The following ZBTB43 variants were observed in gnomAD, a reference collection of about 807,000 sequenced individuals.
ZBTB43 encodes the protein zinc finger and BTB domain containing 43.
Under a neutral mutation model 31.1 loss-of-function variants are expected in ZBTB43, and 6 were observed. The observed-to-expected ratio is 0.19, with a 90% CI of 0.11 to 0.38. The LOEUF (loss-of-function observed/expected upper bound fraction) is 0.38, where lower values mean the gene tolerates loss of function less well. Among genes scored for constraint, ZBTB43 ranks in the 10% least tolerant of loss-of-function variants. The pLI is 1.00. For synonymous variants in ZBTB43, 212 were observed against 221.7 expected, an observed-to-expected ratio of 0.96 and a Z score of 0.39; for missense variants, 379 against 602.1, an observed-to-expected ratio of 0.63 and a Z score of 3.88.
chr9:126,813,286 T>C (rs545048971), intron 2 of ZBTB43, among the ~76,000 whole-genome samples: 1 of 152,264 alleles, frequency 6.6e-6, no homozygotes, highest in Admixed American at 6.5e-5. Flanking sequence ...GGCCCCACTG[T>C]TACTTTTATT....
intron 2 of ZBTB43, among the ~76,000 whole-genome samples, chr9:126,829,979 A>G (rs1247602515): frequency 6.6e-6 from 1 of 152,248 alleles, no homozygotes; most frequent in Non-Finnish European, 1.5e-5. Context: ...ATAAATTAAT[A>G]CTTCACTCTA....
intron 2 of ZBTB43, among the ~76,000 whole-genome samples, chr9:126,826,899 G>C (rs2032653725): frequency 6.6e-6 from 1 of 152,180 alleles, no homozygotes; most frequent in Non-Finnish European, 1.5e-5. Context: ...TGTGATTCTA[G>C]TGTTGGTGTT....
rs1485796592 is a variant in ZBTB43 at position 126,835,920 on chromosome 9, T to C, written c.*2007T>C. 6.0e-6 allele frequency: 1 copy of C among 167,014 alleles called. No homozygotes were observed. The highest frequency in any genetic ancestry group is 1.5e-5 in the Non-Finnish European group (1 of 68,122). The allele number at this position is 167,014 out of a possible 1,614,324, so 10.3% of individuals were successfully genotyped here. ...CACTCATGGTAGAGGCCAGTGGGTT[T>C]TAGGTATGATCCTAGCCATTATATT... On this transcript the variant is annotated 3_prime_UTR_variant, in exon 3 of 3. Transcript: ENST00000373464.
intron 2 of ZBTB43, among the ~76,000 whole-genome samples, chr9:126,817,933 A>C (rs1168275556): frequency 6.6e-6 from 1 of 152,062 alleles, no homozygotes; most frequent in Non-Finnish European, 1.5e-5. Flanking sequence ...GAATATGGAG[A>C]AATGCCATAT....
intron 2 of ZBTB43, among the ~76,000 whole-genome samples, chr9:126,809,842 C>CT (rs565506794): frequency 2.2e-4 from 33 of 147,092 alleles, no homozygotes; most frequent in East Asian, 7.8e-4. Context: ...CTGCTGGTAT[C>CT]TTTTTTTTTT....
intron 2 of ZBTB43, among the ~76,000 whole-genome samples, chr9:126,816,301 A>G (rs946878411): frequency 3.9e-5 from 6 of 152,090 alleles, no homozygotes; most frequent in Middle Eastern, 3.4e-3. Flanking sequence ...TACTGTTGTA[A>G]TTCTGCTTCT....
At position 126,834,428 on chromosome 9, in the gene ZBTB43, T is replaced by C. The variant is rs879425023; in HGVS notation, c.*515T>C. 2 of 167,570 alleles carry C rather than the reference T, an allele frequency of 1.2e-5. No homozygotes were observed. Among genetic ancestry groups the C allele is most frequent in the Non-Finnish European group, 2.9e-5 (2 of 68,506 alleles). The allele number at this position is 167,570 out of a possible 1,614,324, so 10.4% of individuals were successfully genotyped here. A position where few individuals can be genotyped will look rare whatever the true frequency, so the allele number is the denominator to read the frequency against. ...TGAGAAATTGGTTAACAGAGCTCTG[T>C]TGTCTGGTTTTAGTCTTTCTAAAGG... On this transcript the variant is annotated 3_prime_UTR_variant, in exon 3 of 3. Coordinates refer to ENST00000373464, the MANE Select transcript of ZBTB43 (RefSeq NM_014007.4).
chr9:126,818,742 T>A (rs1050708914), intron 2 of ZBTB43, among the ~76,000 whole-genome samples: 5 of 152,262 alleles, frequency 3.3e-5, no homozygotes, highest in Non-Finnish European at 7.3e-5. Flanking sequence ...ATAATTCTTT[T>A]AATATGCCGC....
rs7862367 is a variant in ZBTB43 at position 126,835,908 on chromosome 9, G to A, written c.*1995G>A. ...CTCCTTTTCTTTCACTCATGGTAGA[G>A]GCCAGTGGGTTTTAGGTATGATCCT... On this transcript the variant is annotated 3_prime_UTR_variant, in exon 3 of 3. Coordinates refer to ENST00000373464, the MANE Select transcript of ZBTB43 (RefSeq NM_014007.4). The A allele has an allele frequency of 6.6e-3, 1,100 of 167,046 alleles. 16 individuals carry two copies. Among genetic ancestry groups the A allele is most frequent in the African/African-American group, 0.025 (1,030 of 41,510 alleles). 10.3% of individuals were successfully genotyped at this position (167,046 alleles called of 1,614,324 possible). A position where few individuals can be genotyped will look rare whatever the true frequency, so the allele number is the denominator to read the frequency against.
chr9:126,822,944 A>G (rs1484762604), intron 2 of ZBTB43, among the ~76,000 whole-genome samples: 1 of 151,756 alleles, frequency 6.6e-6, no homozygotes, highest in African/African-American at 2.4e-5. Context: ...TTTTTTAGAC[A>G]TAATGCTATT....
intron 1 of ZBTB43, among the ~76,000 whole-genome samples, chr9:126,807,561 G>A (rs146081521): frequency 2.0e-5 from 3 of 152,246 alleles, no homozygotes; most frequent in Admixed American, 6.5e-5. Flanking sequence ...ATTTTAAAAT[G>A]TGAAAAAATG....
Position 126,834,463 on chromosome 9 carries a change from CTA to C in ZBTB43, c.*551_*552del, listed in dbSNP as rs965658296. ...TTAGTCTTTCTAAAGGATATTTTAA[CTA>C]AAACTATGGAGATGCTAAGAGAGTG... On this transcript the variant is annotated 3_prime_UTR_variant, in exon 3 of 3. Coordinates refer to ENST00000373464, the MANE Select transcript of ZBTB43 (RefSeq NM_014007.4). 26 of 167,318 alleles carry C rather than the reference CTA, an allele frequency of 1.6e-4. 1 individual carries two copies. Among genetic ancestry groups the C allele is most frequent in the African/African-American group, 6.3e-4 (26 of 41,542 alleles). The allele number at this position is 167,318 out of a possible 1,614,324, so 10.4% of individuals were successfully genotyped here. A position where few individuals can be genotyped will look rare whatever the true frequency, so the allele number is the denominator to read the frequency against.
intron 1 of ZBTB43, among the ~76,000 whole-genome samples, chr9:126,805,647 C>T (rs1008341688): frequency 1.3e-5 from 2 of 152,238 alleles, no homozygotes; most frequent in Non-Finnish European, 2.9e-5. Flanking sequence ...AGCTAGGTCG[C>T]TGTCAACCTG....
rs373630242 is a variant in ZBTB43, at chr9:126,834,018, T to TAA, written c.*115_*116dup. On this transcript the variant is annotated 3_prime_UTR_variant, in exon 3 of 3. Coordinates refer to ENST00000373464, the MANE Select transcript of ZBTB43 (RefSeq NM_014007.4). ...GCTACTTGCTATTATGAGAGAAGCT[T>TAA]AAAAAAAAAAAGGAAGATATTTCTG... is the stretch of plus-strand genomic sequence containing the variant. 60 of 990,336 alleles carry TAA rather than the reference T, an allele frequency of 6.1e-5. No individual in the cohort carries two copies. The highest frequency in any genetic ancestry group is 7.1e-5 in the Non-Finnish European group (52 of 734,036). The allele number at this position is 990,336 out of a possible 1,614,324, so 61.3% of individuals were successfully genotyped here.
chr9:126,837,570 C>T lies in ZBTB43; in HGVS notation c.*3657C>T. ...GGTGGGCGTGGAGAGGGCGCCATCACAACGAGTCCAGGTTTTTGCTTTTGG... is the reference window on the plus strand; with the variant it reads ...GGTGGGCGTGGAGAGGGCGCCATCATAACGAGTCCAGGTTTTTGCTTTTGG... On this transcript the variant is annotated 3_prime_UTR_variant, in exon 3 of 3. Transcript: ENST00000373464. The T allele has an allele frequency of 6.0e-6, 1 of 167,248 alleles. No individual in the cohort carries two copies. The allele number at this position is 167,248 out of a possible 1,614,324, so 10.4% of individuals were successfully genotyped here.
chr9:126,825,603 G>A (rs773223038), intron 2 of ZBTB43, among the ~76,000 whole-genome samples: 21 of 152,188 alleles, frequency 1.4e-4, no homozygotes, highest in African/African-American at 4.8e-4. Flanking sequence ...GTGTCTCTGT[G>A]TGTGTCCAAA....
chr9:126,806,471 C>T (rs2032129738), intron 1 of ZBTB43, among the ~76,000 whole-genome samples: 1 of 152,110 alleles, frequency 6.6e-6, no homozygotes, highest in Non-Finnish European at 1.5e-5. Context: ...GAATAGTTTA[C>T]CAGGGGCTGG....
At chr9:126,815,481 A>G (rs1037696854) in intron 2 of ZBTB43, among the ~76,000 whole-genome samples, 6 of 150,670 alleles carry the variant, frequency 4.0e-5, no homozygotes, top group African/African-American at 1.5e-4. Flanking sequence ...CTGATACTCT[A>G]TTCCCTTTTT....
chr9:126,814,300 T>G (rs2032316790), intron 2 of ZBTB43, among the ~76,000 whole-genome samples: 2 of 151,764 alleles, frequency 1.3e-5, no homozygotes, highest in African/African-American at 2.4e-5. Context: ...TGTAAAATTT[T>G]TACAGATGAA....
Sources: gnomAD v4.1 joint callset for allele counts (sites outside exome capture counted in the v4.1 genomes callset) on GRCh38, gnomAD v4.1.1 for gene constraint, MANE v1.5 for transcripts, NCBI Gene and HGNC (gene_info 2026-07-23, HGNC 2026-07-21) for gene names.